The following UGGT2 variants were observed in gnomAD, a reference collection of about 807,000 sequenced individuals.
UGGT2 encodes UDP-glucose glycoprotein glucosyltransferase 2.
UGGT2 carries 180 observed loss-of-function variants against 192.1 expected under a neutral mutation model. That is an observed-to-expected ratio of 0.94 (90% CI 0.83 to 1.06). UGGT2 has a LOEUF of 1.06. UGGT2 is among the 50% of genes least tolerant of loss of function. The pLI is 0.00. For synonymous variants in UGGT2, 580 were observed against 591.0 expected (o/e 0.98, Z 0.27); for missense variants, 1,849 against 1,795.7 (o/e 1.03, Z -0.54).
chr13:95,980,867 T>C (rs1398084689), intron 10 of UGGT2, among the ~76,000 whole-genome samples: 1 of 151,972 alleles, frequency 6.6e-6, no homozygotes, highest in African/African-American at 2.4e-5. Context: ...TGTGGTGGCG[T>C]GTACCTGTAA....
chr13:95,976,318 C>T (rs1419259479), intron 10 of UGGT2, among the ~76,000 whole-genome samples: 2 of 152,138 alleles, frequency 1.3e-5, no homozygotes, highest in African/African-American at 4.8e-5. Context: ...TCCACCCATC[C>T]ATTAATGGAC....
intron 36 of UGGT2, among the ~76,000 whole-genome samples, chr13:95,842,163 G>A (rs945415224): frequency 3.9e-5 from 6 of 152,084 alleles, no homozygotes; most frequent in Non-Finnish European, 7.3e-5. Context: ...GACTCCCTGT[G>A]TCCTTTTGCA....
At chr13:95,847,061 C>CTTTT (rs71113956) in intron 36 of UGGT2, among the ~76,000 whole-genome samples, 2 of 97,342 alleles carry the variant, frequency 2.1e-5, no homozygotes, top group African/African-American at 3.8e-5. Context: ...CTTTTCTTTT[C>CTTTT]TTTTTTTTTT....
chr13:95,807,990 G>A (rs1884403280), intron 38 of UGGT2, among the ~76,000 whole-genome samples: 1 of 152,018 alleles, frequency 6.6e-6, no homozygotes, highest in Non-Finnish European at 1.5e-5. Flanking sequence ...AAGGCTTAAA[G>A]GTCCTTATGA....
intron 19 of UGGT2, 82 bp from the exon 20 acceptor site, chr13:95,925,856 C>A: frequency 1.2e-6 from 1 of 859,966 alleles, no homozygotes; most frequent in South Asian, 3.0e-5. Context: ...GCAGTTAACA[C>A]ATTAAAAAAA....
intron 12 of UGGT2, among the ~76,000 whole-genome samples, chr13:95,966,748 A>G (rs2050592253): frequency 6.6e-6 from 1 of 152,160 alleles, no homozygotes; most frequent in Admixed American, 6.5e-5. Flanking sequence ...ATACATACCC[A>G]TGGTTAAAAG....
intron 17 of UGGT2, among the ~76,000 whole-genome samples, chr13:95,928,843 C>A (rs572708218): frequency 6.6e-6 from 1 of 152,254 alleles, no homozygotes; most frequent in Middle Eastern, 3.4e-3. Flanking sequence ...GCAAGGCAGG[C>A]GGCTGGGAGG....
intron 12 of UGGT2, among the ~76,000 whole-genome samples, chr13:95,966,544 G>GA (rs368358502): frequency 2.8e-4 from 43 of 152,034 alleles, no homozygotes; most frequent in South Asian, 1.5e-3. Flanking sequence ...AAAGTAGCTA[G>GA]AAAAAAAGAC....
At chr13:95,849,331 T>C (rs1292222673) in intron 36 of UGGT2, among the ~76,000 whole-genome samples, 1 of 152,048 alleles carries the variant, frequency 6.6e-6, no homozygotes, top group Admixed American at 6.5e-5. Flanking sequence ...GTTCAGGAGA[T>C]CAAGACCATC....
chr13:96,027,269 T>C (rs1453061871), intron 2 of UGGT2, among the ~76,000 whole-genome samples: 1 of 152,140 alleles, frequency 6.6e-6, no homozygotes, highest in Non-Finnish European at 1.5e-5. Flanking sequence ...TGACAACAGA[T>C]ACCAAATTTC....
At chr13:95,880,014 T>C (rs752514898) in intron 27 of UGGT2, among the ~76,000 whole-genome samples, 19 of 152,106 alleles carry the variant, frequency 1.2e-4, no homozygotes, top group Non-Finnish European at 2.2e-4. Context: ...CTACATTAGG[T>C]ATTTCTCCTA....
At chr13:96,015,216 T>C (rs1037117094) in intron 4 of UGGT2, among the ~76,000 whole-genome samples, 12 of 150,374 alleles carry the variant, frequency 8.0e-5, no homozygotes, top group African/African-American at 2.7e-4. Context: ...AGGTGGAGCT[T>C]GCAGTGAGCC....
At chr13:95,837,231 C>T (rs745752207) in intron 36 of UGGT2, 29 bp from the exon 37 acceptor site, 23 of 1,502,982 alleles carry the variant, frequency 1.5e-5, no homozygotes, top group South Asian at 9.0e-5. Context: ...TAATCATAGA[C>T]GTATGAAATT....
chr13:95,877,513 T>C, intron 28 of UGGT2, 149 bp from the exon 29 acceptor site: 1 of 974,996 alleles, frequency 1.0e-6, no homozygotes, highest in Non-Finnish European at 1.5e-6. Context: ...GATTTTACAA[T>C]AACCTGTCAA....
intron 17 of UGGT2, among the ~76,000 whole-genome samples, chr13:95,933,265 G>GT (rs2049348431): frequency 6.6e-6 from 1 of 152,124 alleles, no homozygotes. Flanking sequence ...ATGGAACTCA[G>GT]TATCAGTCTG....
intron 20 of UGGT2, among the ~76,000 whole-genome samples, chr13:95,923,720 T>C (rs1350082532): frequency 6.6e-6 from 1 of 152,210 alleles, no homozygotes; most frequent in Non-Finnish European, 1.5e-5. Flanking sequence ...TTATTATGTA[T>C]CCATTTGAAT....
At chr13:95,869,685 T>C (rs923461304) in intron 29 of UGGT2, among the ~76,000 whole-genome samples, 2 of 152,192 alleles carry the variant, frequency 1.3e-5, no homozygotes, top group Non-Finnish European at 2.9e-5. Context: ...TTACCAACAA[T>C]GCTAAGCACC....
chr13:95,812,218 T>A (rs1460045482), intron 38 of UGGT2, among the ~76,000 whole-genome samples: 1 of 152,192 alleles, frequency 6.6e-6, no homozygotes, highest in Non-Finnish European at 1.5e-5. Flanking sequence ...ACTAGAAATT[T>A]GGATATAATT....
At chr13:95,820,490 G>C (rs903858403) in intron 38 of UGGT2, among the ~76,000 whole-genome samples, 1 of 152,074 alleles carries the variant, frequency 6.6e-6, no homozygotes, top group Admixed American at 6.6e-5. Flanking sequence ...TTGCACAAAA[G>C]AGCTCTACAG....
Sources: gnomAD v4.1 joint callset for allele counts (sites outside exome capture counted in the v4.1 genomes callset) on GRCh38, gnomAD v4.1.1 for gene constraint, MANE v1.5 for transcripts, NCBI Gene and HGNC (gene_info 2026-07-23, HGNC 2026-07-21) for gene names.